Variants in FANCB observed in about 807,000 individuals in gnomAD.
The protein encoded by FANCB is FA complementation group B.
Under a neutral mutation model 38.9 loss-of-function variants are expected in FANCB, and 5 were observed. The ratio of observed to expected loss-of-function variants is 0.13; its 90% confidence interval spans 0.07 to 0.27. FANCB has a LOEUF of 0.27. Among genes scored for constraint, FANCB ranks in the 10% least tolerant of loss-of-function variants. The probability of loss-of-function intolerance (pLI) is 1.00; values close to 1 mark genes in which losing one functional copy is unlikely to be tolerated. For synonymous variants in FANCB, 236 were observed against 215.4 expected (o/e 1.10, Z -0.84); for missense variants, 573 against 602.7 (o/e 0.95, Z 0.52).
At chrX:14,777,469 GATAA>G in the FANCB span, among the ~76,000 whole-genome samples, 1 of 112,116 alleles carries the variant, frequency 8.9e-6, no homozygotes, top group African/African-American at 3.2e-5. Context: ...GCTCCAAATA[GATAA>G]ATATTCAGTG....
the FANCB span, among the ~76,000 whole-genome samples, chrX:14,722,553 G>C: frequency 1.8e-5 from 2 of 111,660 alleles, no homozygotes; most frequent in Non-Finnish European, 3.8e-5. Context: ...ATGTCTCAAT[G>C]GAAAGAGTGT....
the FANCB span, among the ~76,000 whole-genome samples, chrX:14,821,976 C>G: frequency 1.8e-5 from 2 of 111,741 alleles, no homozygotes; most frequent in Non-Finnish European, 3.8e-5. Flanking sequence ...GGGAGAAATC[C>G]TTGTCAGAAG....
At chrX:14,760,080 CTA>C in the FANCB span, among the ~76,000 whole-genome samples, 1 of 111,993 alleles carries the variant, frequency 8.9e-6, no homozygotes, top group East Asian at 2.8e-4. Context: ...ACCATCGACA[CTA>C]TGAAGAAACT....
intron 7 of FANCB, among the ~76,000 whole-genome samples, 166 bp downstream of exon 7, chrX:14,850,339 G>C (rs1028621249): frequency 9.0e-6 from 1 of 110,869 alleles, no homozygotes; most frequent in African/African-American, 3.4e-5. Context: ...AACAGAGTGA[G>C]ACTCTGTCTC....
At position 14,845,587 on chromosome X, in the gene FANCB, A is replaced by G. The variant is rs781264978; in HGVS notation, c.1497-301T>C. Among the ~76,000 whole-genome samples the G allele has an allele frequency of 4.7e-4, 53 of 111,772 alleles. No homozygotes were observed. In the South Asian group the frequency reaches 0.017, roughly 37 times the overall value. On this transcript the variant is annotated intron_variant, in intron 7 of 9. Transcript: ENST00000650831. ...AATGATAGTAAGAGAAATTAAAGTA[A>G]GACAAAAATTTTTTTAAGATAAAGG...
intron 7 of FANCB, among the ~76,000 whole-genome samples, chrX:14,848,874 G>A (rs756643307): frequency 3.6e-5 from 4 of 110,722 alleles, no homozygotes; most frequent in Admixed American, 2.9e-4. Flanking sequence ...GGTATATCCA[G>A]TGCATTGTTG....
the FANCB span, among the ~76,000 whole-genome samples, chrX:14,803,950 G>T: frequency 1.8e-5 from 2 of 111,561 alleles, no homozygotes; most frequent in South Asian, 7.6e-4. Flanking sequence ...TCTCACACCA[G>T]TTAGAATGGC....
At chrX:14,856,429 C>CT (rs1375071343) in intron 5 of FANCB, among the ~76,000 whole-genome samples, 1 of 111,442 alleles carries the variant, frequency 9.0e-6, no homozygotes, top group Non-Finnish European at 1.9e-5. Context: ...ATTACAATTT[C>CT]TTTTTTCACA....
chrX:14,806,484 T>C, the FANCB span, among the ~76,000 whole-genome samples: 1 of 111,448 alleles, frequency 9.0e-6, no homozygotes, highest in African/African-American at 3.3e-5. Flanking sequence ...AGCAGAGCTG[T>C]TGTAGGGAGA....
At chrX:14,727,941 A>G in the FANCB span, among the ~76,000 whole-genome samples, 1 of 112,192 alleles carries the variant, frequency 8.9e-6, no homozygotes, top group East Asian at 2.8e-4. Context: ...CACAGAGGCA[A>G]CACTCAACAA....
At chrX:14,695,228 AAAAGGAAC>A in the FANCB span, among the ~76,000 whole-genome samples, 3 of 111,795 alleles carry the variant, frequency 2.7e-5, no homozygotes, top group African/African-American at 9.7e-5. Context: ...ATTGGGCAGA[AAAAGGAAC>A]AAAGGAAATG....
At chrX:14,823,663 T>C in the FANCB span, among the ~76,000 whole-genome samples, 1 of 112,354 alleles carries the variant, frequency 8.9e-6, no homozygotes, top group Admixed American at 9.4e-5. Context: ...ATTGATGTTT[T>C]GTTAATAATT....
At chrX:14,699,902 C>G in the FANCB span, among the ~76,000 whole-genome samples, 1 of 111,969 alleles carries the variant, frequency 8.9e-6, no homozygotes, top group African/African-American at 3.3e-5. Context: ...ACCACTCATT[C>G]TCACTTCTAA....
At chrX:14,799,390 A>G in the FANCB span, among the ~76,000 whole-genome samples, 1 of 112,263 alleles carries the variant, frequency 8.9e-6, no homozygotes, top group Non-Finnish European at 1.9e-5. Context: ...CTAGCCCACC[A>G]GTATCATTAA....
At chrX:14,803,274 C>T in the FANCB span, among the ~76,000 whole-genome samples, 1 of 111,840 alleles carries the variant, frequency 8.9e-6, no homozygotes, top group East Asian at 2.8e-4. Context: ...TTTGTATACA[C>T]AAAAAGAACT....
At chrX:14,827,549 G>T in the FANCB span, among the ~76,000 whole-genome samples, 1 of 111,564 alleles carries the variant, frequency 9.0e-6, no homozygotes, top group South Asian at 3.7e-4. Context: ...ACCTGAAAAT[G>T]AGATTGCTCT....
intron 7 of FANCB, among the ~76,000 whole-genome samples, chrX:14,846,449 T>C (rs2092377473): frequency 8.9e-6 from 1 of 111,800 alleles, no homozygotes; most frequent in African/African-American, 3.2e-5. Context: ...AACTAAATAA[T>C]TGATGAGAAG....
At chrX:14,772,951 G>A in the FANCB span, among the ~76,000 whole-genome samples, 1 of 111,239 alleles carries the variant, frequency 9.0e-6, no homozygotes, top group Non-Finnish European at 1.9e-5. Flanking sequence ...GCTCCCGGGT[G>A]GGTCATGGCC....
chrX:14,818,296 G>A, the FANCB span, among the ~76,000 whole-genome samples: 6 of 108,222 alleles, frequency 5.5e-5, no homozygotes, highest in Admixed American at 1.0e-4. Flanking sequence ...AAGAAGGTAC[G>A]GGGTGGGGTG....
Sources: allele counts gnomAD v4.1 joint callset (sites outside exome capture counted in the v4.1 genomes callset), GRCh38; gene constraint gnomAD v4.1.1; transcripts MANE v1.5; gene names NCBI Gene and HGNC (gene_info 2026-07-23, HGNC 2026-07-21).